ESRRG: variants seen among roughly 807,000 people sequenced by gnomAD.
ESRRG encodes the protein estrogen-related receptor gamma.
In ESRRG, 13 loss-of-function variants were observed where a neutral mutation model predicts 44.0. That is an observed-to-expected ratio of 0.30 (90% confidence interval 0.19 to 0.47). The LOEUF is 0.47. ESRRG is among the 20% of genes least tolerant of loss of function. The pLI, the probability that ESRRG is intolerant of heterozygous loss-of-function variation, is 1.00. For synonymous variants in ESRRG, 215 were observed against 214.6 expected (o/e 1.00, Z -0.02); for missense variants, 395 against 580.6 (o/e 0.68, Z 3.29).
intron 6 of ESRRG, among the ~76,000 whole-genome samples, chr1:216,508,591 C>A (rs988908215): frequency 3.9e-5 from 6 of 152,188 alleles, no homozygotes; most frequent in African/African-American, 1.4e-4. Context: ...ATTGTTTCTA[C>A]CCAGCTTCTC....
intron 1 of ESRRG, among the ~76,000 whole-genome samples, chr1:217,025,246 C>A (rs1035361285): frequency 6.6e-6 from 1 of 152,050 alleles, no homozygotes; most frequent in Admixed American, 6.5e-5. Context: ...AATTATTTAG[C>A]ATATGTTTCT....
intron 1 of ESRRG, among the ~76,000 whole-genome samples, chr1:217,068,533 C>G (rs567440459): frequency 2.4e-4 from 37 of 152,124 alleles, no homozygotes; most frequent in African/African-American, 8.0e-4. Flanking sequence ...ATTTTTTTAA[C>G]AAGCCGTGTC....
intron 2 of ESRRG, among the ~76,000 whole-genome samples, chr1:216,745,152 T>TG (rs2091243970): frequency 6.6e-6 from 1 of 152,160 alleles, no homozygotes; most frequent in Admixed American, 6.5e-5. Context: ...TTTTTTTGTT[T>TG]TTTGTTTGTT....
At chr1:217,027,172 C>T (rs1346862545) in intron 1 of ESRRG, among the ~76,000 whole-genome samples, 1 of 152,126 alleles carries the variant, frequency 6.6e-6, no homozygotes, top group Non-Finnish European at 1.5e-5. Flanking sequence ...ATACTGTCCC[C>T]AAGAACAACT....
chr1:216,731,917 C>A (rs1200859025), intron 2 of ESRRG, among the ~76,000 whole-genome samples: 1 of 152,064 alleles, frequency 6.6e-6, no homozygotes, highest in African/African-American at 2.4e-5. Context: ...AAATCAAAGA[C>A]CATTTTCATT....
chr1:216,736,371 G>C (rs910067327), intron 2 of ESRRG, among the ~76,000 whole-genome samples: 3 of 151,800 alleles, frequency 2.0e-5, no homozygotes, highest in African/African-American at 7.3e-5. Flanking sequence ...TTTTAGTAGA[G>C]ACGGGGTTTC....
At chr1:216,721,650 A>G (rs2086307401) in intron 1 of ESRRG, among the ~76,000 whole-genome samples, 1 of 152,234 alleles carries the variant, frequency 6.6e-6, no homozygotes, top group Admixed American at 6.5e-5. Context: ...AACTACTTCA[A>G]AAAGAAGCCT....
intron 1 of ESRRG, among the ~76,000 whole-genome samples, chr1:216,946,148 C>T (rs1340361854): frequency 6.6e-6 from 1 of 152,164 alleles, no homozygotes; most frequent in Non-Finnish European, 1.5e-5. Flanking sequence ...CCAGTACTAA[C>T]TAGAACCAAG....
intron 1 of ESRRG, among the ~76,000 whole-genome samples, chr1:217,053,811 A>T (rs2086578673): frequency 1.3e-5 from 2 of 152,114 alleles, no homozygotes; most frequent in Non-Finnish European, 2.9e-5. Flanking sequence ...ATCACCAGAC[A>T]TGGGGGCAAC....
chr1:216,663,333 C>A (rs544240261), intron 2 of ESRRG, among the ~76,000 whole-genome samples: 1 of 152,162 alleles, frequency 6.6e-6, no homozygotes, highest in East Asian at 1.9e-4. Context: ...TATCTCTGAT[C>A]GTCCTCAAAT....
intron 3 of ESRRG, among the ~76,000 whole-genome samples, chr1:216,605,683 C>A (rs780510482): frequency 6.6e-6 from 1 of 151,804 alleles, no homozygotes; most frequent in Non-Finnish European, 1.5e-5. Context: ...AAGACATTTG[C>A]TATATTATGT....
chr1:216,958,142 C>T (rs766173680), intron 1 of ESRRG, among the ~76,000 whole-genome samples: 2 of 152,116 alleles, frequency 1.3e-5, no homozygotes, highest in Non-Finnish European at 2.9e-5. Context: ...GAGTAGTATT[C>T]CATTGTATAA....
At chr1:216,875,928 C>T (rs2149263628) in intron 2 of ESRRG, among the ~76,000 whole-genome samples, 1 of 152,148 alleles carries the variant, frequency 6.6e-6, no homozygotes, top group African/African-American at 2.4e-5. Context: ...CACAAACAGC[C>T]TTATTTAGAG....
rs553039736 is a variant in ESRRG at position 216,633,949 on chromosome 1, G to T, written c.589+17024C>A. ...CTCTAAACAATAACAATTTGGTAAA[G>T]ATTATGGTATTGGTTAAAAGGGTAG... is the stretch of plus-strand genomic sequence containing the variant. On this transcript the variant is annotated intron_variant, in intron 3 of 6. Coordinates refer to ENST00000408911, the MANE Select transcript of ESRRG (RefSeq NM_001438.4). Among the ~76,000 whole-genome samples the T allele has an allele frequency of 1.1e-4, 16 of 152,282 alleles. No individual in the cohort carries two copies. The South Asian group carries it at 3.3e-3, about 32-fold the overall frequency.
At chr1:216,560,054 A>G (rs2058408362) in intron 5 of ESRRG, among the ~76,000 whole-genome samples, 1 of 152,182 alleles carries the variant, frequency 6.6e-6, no homozygotes, top group Non-Finnish European at 1.5e-5. Context: ...TATTTAAAAA[A>G]TGTTTCAGGG....
chr1:216,962,719 C>A (rs986884456), intron 1 of ESRRG, among the ~76,000 whole-genome samples: 8 of 152,132 alleles, frequency 5.3e-5, no homozygotes, highest in Admixed American at 2.6e-4. Flanking sequence ...CCATTGAAAT[C>A]TAATCACTTT....
At chr1:217,076,417 T>G (rs1345175602) in intron 1 of ESRRG, among the ~76,000 whole-genome samples, 13 of 152,142 alleles carry the variant, frequency 8.5e-5, no homozygotes, top group Admixed American at 7.2e-4. Flanking sequence ...ACAGGTACAA[T>G]TTGCTCATTT....
At chr1:217,084,710 C>G (rs1230740204) in intron 1 of ESRRG, among the ~76,000 whole-genome samples, 1 of 152,058 alleles carries the variant, frequency 6.6e-6, no homozygotes, top group East Asian at 1.9e-4. Context: ...TGTTAACATC[C>G]TTTTAAGTGT....
intron 2 of ESRRG, among the ~76,000 whole-genome samples, chr1:216,849,675 T>C (rs928344631): frequency 6.6e-6 from 1 of 152,060 alleles, no homozygotes; most frequent in African/African-American, 2.4e-5. Flanking sequence ...ACAGATTATA[T>C]AGGAAACAGA....
Sources: gnomAD v4.1 joint callset for allele counts (sites outside exome capture counted in the v4.1 genomes callset) on GRCh38, gnomAD v4.1.1 for gene constraint, MANE v1.5 for transcripts, NCBI Gene and HGNC (gene_info 2026-07-23, HGNC 2026-07-21) for gene names.